The following WDFY1 variants were observed in gnomAD, a reference collection of about 807,000 sequenced individuals.
WDFY1 encodes the protein WD repeat and FYVE domain containing 1, also known as WD repeat and FYVE domain-containing protein 1.
WDFY1 carries 32 observed loss-of-function variants against 56.4 expected under a neutral mutation model. That is an observed-to-expected ratio of 0.57 (90% CI 0.43 to 0.76). The LOEUF is 0.76. Among genes scored for constraint, WDFY1 ranks in the 30% least tolerant of loss-of-function variants. The pLI, the probability that WDFY1 is intolerant of heterozygous loss-of-function variation, is 0.00. For synonymous variants in WDFY1, 192 were observed against 197.3 expected, an observed-to-expected ratio of 0.97 and a Z score of 0.23; for missense variants, 480 against 545.7, an observed-to-expected ratio of 0.88 and a Z score of 1.20.
At chr2:223,893,260 T>C (rs1693307610) in intron 8 of WDFY1, among the ~76,000 whole-genome samples, 1 of 150,832 alleles carries the variant, frequency 6.6e-6, no homozygotes, top group South Asian at 2.1e-4. Flanking sequence ...CTCATGCCTA[T>C]AATCCCAGCA....
intron 6 of WDFY1, among the ~76,000 whole-genome samples, chr2:223,897,374 A>AT (rs1693404124): frequency 8.9e-5 from 1 of 11,178 alleles, no homozygotes; most frequent in African/African-American, 2.0e-4. Flanking sequence ...ATATATATAT[A>AT]TATATATATA....
intron 9 of WDFY1, among the ~76,000 whole-genome samples, chr2:223,882,830 C>T (rs776344862): frequency 3.3e-5 from 5 of 152,006 alleles, no homozygotes; most frequent in African/African-American, 4.8e-5. Flanking sequence ...CAGACTCAAG[C>T]GATCCTCCCA....
At chr2:223,919,075 G>A (rs758474365) in intron 1 of WDFY1, among the ~76,000 whole-genome samples, 10 of 152,308 alleles carry the variant, frequency 6.6e-5, no homozygotes, top group Admixed American at 5.2e-4. Flanking sequence ...GCCTCTGGGC[G>A]CCAGGCCTCT....
intron 4 of WDFY1, among the ~76,000 whole-genome samples, chr2:223,903,626 T>TACACACAC (rs74181334): frequency 7.1e-6 from 1 of 140,138 alleles, no homozygotes; most frequent in African/African-American, 2.7e-5. Context: ...AGATGAAAAA[T>TACACACAC]ACACACACAC....
intron 7 of WDFY1, 145 bp from the exon 8 acceptor site, chr2:223,894,484 G>T: frequency 1.4e-6 from 1 of 723,192 alleles, no homozygotes; most frequent in Non-Finnish European, 2.4e-6. Context: ...ATGAATTCTA[G>T]TATAAACTTT....
chr2:223,925,589 T>C (rs1693966556), intron 1 of WDFY1, among the ~76,000 whole-genome samples: 1 of 152,174 alleles, frequency 6.6e-6, no homozygotes, highest in Non-Finnish European at 1.5e-5. Flanking sequence ...ACCAAGAAGT[T>C]TGTTGCATCG....
intron 1 of WDFY1, among the ~76,000 whole-genome samples, chr2:223,924,955 C>T (rs954004178): frequency 1.3e-5 from 2 of 152,000 alleles, no homozygotes; most frequent in African/African-American, 4.8e-5. Context: ...ATGACAACAA[C>T]ACTAATGATA....
intron 3 of WDFY1, among the ~76,000 whole-genome samples, chr2:223,909,218 G>A (rs1409112651): frequency 2.0e-5 from 3 of 152,300 alleles, no homozygotes; most frequent in East Asian, 1.9e-4. Context: ...GTCTGGCATA[G>A]AGCCGGGGAA....
At chr2:223,920,972 T>C (rs1247635612) in intron 1 of WDFY1, among the ~76,000 whole-genome samples, 1 of 152,120 alleles carries the variant, frequency 6.6e-6, no homozygotes, top group Non-Finnish European at 1.5e-5. Flanking sequence ...AAATCACTGA[T>C]GTAAAACAAC....
At chr2:223,893,704 G>A (rs967931477) in intron 8 of WDFY1, among the ~76,000 whole-genome samples, 6 of 152,284 alleles carry the variant, frequency 3.9e-5, no homozygotes, top group African/African-American at 9.6e-5. Flanking sequence ...GTTAGTGGCC[G>A]AACCAAGTTA....
At chr2:223,920,983 G>A (rs570386) in intron 1 of WDFY1, among the ~76,000 whole-genome samples, 131,551 of 152,148 alleles carry the variant, frequency 0.86, 57,348 homozygotes, top group Non-Finnish European at 0.93. Flanking sequence ...GTAAAACAAC[G>A]ACAAAAAATA....
chr2:223,885,115 G>A (rs1277982840), intron 8 of WDFY1, among the ~76,000 whole-genome samples: 1 of 151,978 alleles, frequency 6.6e-6, no homozygotes, highest in East Asian at 1.9e-4. Context: ...ACCATGCCCG[G>A]CCAGTTAGCA....
At chr2:223,897,372 A>T (rs1380201258) in intron 6 of WDFY1, among the ~76,000 whole-genome samples, 3 of 12,788 alleles carry the variant, frequency 2.3e-4, no homozygotes, top group South Asian at 5.2e-3. Context: ...ATATATATAT[A>T]TATATATATA....
At chr2:223,886,307 C>A (rs1469633914) in intron 8 of WDFY1, among the ~76,000 whole-genome samples, 1 of 152,050 alleles carries the variant, frequency 6.6e-6, no homozygotes, top group African/African-American at 2.4e-5. Flanking sequence ...CCATTGCACC[C>A]TAGTCTGGGC....
chr2:223,925,856 G>A (rs546294848), intron 1 of WDFY1, among the ~76,000 whole-genome samples: 1 of 152,098 alleles, frequency 6.6e-6, no homozygotes, highest in African/African-American at 2.4e-5. Flanking sequence ...TAAACATTCA[G>A]CTTTTATCAT....
rs1693501748 is a variant in WDFY1, at chr2:223,901,185, C to T, written c.483G>A (p.Leu161=). 6.2e-7 allele frequency: 1 copy of T among 1,613,048 alleles called. No individual in the cohort carries two copies. The highest frequency in any genetic ancestry group is 8.5e-7 in the Non-Finnish European group (1 of 1,179,468). ...RHFFTSWASC[L]QYDFDTQYAF... is the part of the protein sequence containing the mutation. Reference sequence around the variant, plus strand: ...AGGTCCGTGGCTCTGAAGGATACTGCAGACACGAAGCCCAGGACGTGAAGA... The same window carrying T: ...AGGTCCGTGGCTCTGAAGGATACTGTAGACACGAAGCCCAGGACGTGAAGA... The change falls in exon 5 of 12, where the codon CTG becomes CTA. Residue 161 remains leucine (L), a splice_region_variant and synonymous_variant. Coordinates refer to ENST00000233055, the MANE Select transcript of WDFY1 (RefSeq NM_020830.5).
At position 223,884,513 on chromosome 2, in the gene WDFY1, A is replaced by G. The variant is rs1693137114; in HGVS notation, c.933+135T>C. The stretch of plus-strand genomic sequence containing the variant: ...GGTCTTCCTCATTGTTAGTCACACA[A>G]TGATAAAGACATAGAAAATGTAGGA... On this transcript the variant is annotated intron_variant, in intron 9 of 11. Transcript: ENST00000233055. 1.2e-5 allele frequency: 10 copies of G among 809,012 alleles called. No individual in the cohort carries two copies. In the South Asian group the frequency reaches 1.4e-4, roughly 12 times the overall value. The allele number at this position is 809,012 out of a possible 1,614,324, so 50.1% of individuals were successfully genotyped here.
At chr2:223,916,384 C>G (rs999461411) in intron 2 of WDFY1, among the ~76,000 whole-genome samples, 5 of 152,184 alleles carry the variant, frequency 3.3e-5, no homozygotes, top group Non-Finnish European at 7.3e-5. Flanking sequence ...ATAACAAACT[C>G]CACAGCCCTG....
At chr2:223,921,130 T>C (rs936469421) in intron 1 of WDFY1, among the ~76,000 whole-genome samples, 7 of 152,186 alleles carry the variant, frequency 4.6e-5, no homozygotes, top group African/African-American at 1.4e-4. Context: ...TAACCATGGA[T>C]ATATGTATTT....
Sources: allele counts gnomAD v4.1 joint callset (sites outside exome capture counted in the v4.1 genomes callset), GRCh38; gene constraint gnomAD v4.1.1; transcripts MANE v1.5; gene names NCBI Gene and HGNC (gene_info 2026-07-23, HGNC 2026-07-21).